The following SPOCK3 variants were observed in gnomAD, a reference collection of about 807,000 sequenced individuals.
SPOCK3 encodes the protein SPARC (osteonectin), cwcv and kazal like domains proteoglycan 3.
Under a neutral mutation model 56.6 loss-of-function variants are expected in SPOCK3, and 30 were observed. The ratio of observed to expected loss-of-function variants is 0.53; its 90% CI spans 0.40 to 0.72. The LOEUF (loss-of-function observed/expected upper bound fraction) is 0.72, where lower values mean the gene tolerates loss of function less well. Ranked by LOEUF, SPOCK3 falls within the 30% of genes least tolerant of loss-of-function variation. The pLI is 0.00. For missense variants in SPOCK3, 527 were observed against 530.0 expected, an observed-to-expected ratio of 0.99 and a Z score of 0.06; for synonymous variants, 196 against 183.3, an observed-to-expected ratio of 1.07 and a Z score of -0.56.
chr4:166,833,443 T>G (rs1052578893), intron 6 of SPOCK3, among the ~76,000 whole-genome samples: 1 of 152,216 alleles, frequency 6.6e-6, no homozygotes, highest in Non-Finnish European at 1.5e-5. Flanking sequence ...AGGCAAATGT[T>G]GCAGTTTCCA....
chr4:166,926,246 A>G (rs1739084264), intron 4 of SPOCK3, among the ~76,000 whole-genome samples: 1 of 152,286 alleles, frequency 6.6e-6, no homozygotes, highest in Middle Eastern at 3.4e-3. Flanking sequence ...AACATGAGAA[A>G]AAATTATCAT....
intron 2 of SPOCK3, among the ~76,000 whole-genome samples, chr4:167,110,038 C>T (rs966004690): frequency 6.6e-6 from 1 of 151,936 alleles, no homozygotes; most frequent in South Asian, 2.1e-4. Context: ...AGGGTATTTG[C>T]TTGGGTAAAG....
At chr4:167,202,736 A>G (rs570248004) in intron 2 of SPOCK3, among the ~76,000 whole-genome samples, 1 of 151,622 alleles carries the variant, frequency 6.6e-6, no homozygotes, top group Non-Finnish European at 1.5e-5. Flanking sequence ...ACTGTTCCCA[A>G]AATAAACTTA....
intron 3 of SPOCK3, among the ~76,000 whole-genome samples, chr4:167,025,588 G>A (rs1751625310): frequency 6.6e-6 from 1 of 151,896 alleles, no homozygotes; most frequent in Admixed American, 6.6e-5. Context: ...AGAACCAAAA[G>A]CAGGATTACA....
At chr4:166,854,866 A>G (rs1008249174) in intron 6 of SPOCK3, among the ~76,000 whole-genome samples, 1 of 152,158 alleles carries the variant, frequency 6.6e-6, no homozygotes, top group Non-Finnish European at 1.5e-5. Context: ...AAGTGCTAGG[A>G]AAGTTCTTTC....
Position 167,226,562 on chromosome 4 carries a change from G to A in SPOCK3, c.189+7423C>T, listed in dbSNP as rs533429016. 4.6e-5 allele frequency among the ~76,000 whole-genome samples: 7 copies of A among 152,252 alleles called. No homozygotes were observed. The East Asian group carries it at 1.4e-3, about 29-fold the overall frequency. ...CCGTAGTTACCAACATTTTCTCCGAGTATTGAGTATCGCTTGCTTTCTTTT... is the reference window on the plus strand; with the variant it reads ...CCGTAGTTACCAACATTTTCTCCGAATATTGAGTATCGCTTGCTTTCTTTT... On this transcript the variant is annotated intron_variant, in intron 2 of 10. Transcript: ENST00000357545.
chr4:166,926,221 C>T (rs1739080839), intron 4 of SPOCK3, among the ~76,000 whole-genome samples: 2 of 152,012 alleles, frequency 1.3e-5, no homozygotes, highest in Admixed American at 1.3e-4. Context: ...AATGGTAAAG[C>T]TTTACTAAAT....
Position 166,789,315 on chromosome 4 carries a change from G to C in SPOCK3, c.709+2855C>G, listed in dbSNP as rs960550253. 1.3e-4 allele frequency among the ~76,000 whole-genome samples: 20 copies of C among 152,000 alleles called. No individual in the cohort carries two copies. In the East Asian group the frequency reaches 3.9e-3, roughly 29 times the overall value. On this transcript the variant is annotated intron_variant, in intron 7 of 10. Coordinates refer to ENST00000357545, the MANE Select transcript of SPOCK3 (RefSeq NM_001040159.2). ...GTGGTGATGCATGCCTGTAATCCCAGCTACTCGAGAGGTTAAGGTAGGAGA... is the reference window on the plus strand; with the variant it reads ...GTGGTGATGCATGCCTGTAATCCCACCTACTCGAGAGGTTAAGGTAGGAGA...
At chr4:166,903,417 C>T (rs184506586) in intron 5 of SPOCK3, among the ~76,000 whole-genome samples, 10 of 152,050 alleles carry the variant, frequency 6.6e-5, no homozygotes, top group Non-Finnish European at 7.4e-5. Flanking sequence ...AAAGCATCAA[C>T]ATTATACCAT....
At chr4:167,182,546 C>CT (rs890701339) in intron 2 of SPOCK3, among the ~76,000 whole-genome samples, 88 of 145,390 alleles carry the variant, frequency 6.1e-4, no homozygotes, top group South Asian at 1.1e-3. Context: ...TTTTCATGTT[C>CT]TTTTTTTTTT....
intron 8 of SPOCK3, among the ~76,000 whole-genome samples, chr4:166,744,934 A>C: frequency 6.6e-6 from 1 of 152,148 alleles, no homozygotes; most frequent in East Asian, 1.9e-4. Context: ...ACAAGTTTAG[A>C]GAAAAAAAAA....
intron 4 of SPOCK3, among the ~76,000 whole-genome samples, chr4:167,000,128 T>C (rs1748798013): frequency 6.6e-6 from 1 of 152,100 alleles, no homozygotes; most frequent in African/African-American, 2.4e-5. Context: ...AGACCTTCTT[T>C]ATTTAATAAT....
chr4:166,752,536 G>T (rs1736513491), intron 8 of SPOCK3, among the ~76,000 whole-genome samples: 1 of 148,846 alleles, frequency 6.7e-6, no homozygotes, highest in African/African-American at 2.5e-5. Context: ...GCTATATATA[G>T]AGTAGCTATA....
At chr4:167,049,863 A>G (rs2150217779) in intron 3 of SPOCK3, among the ~76,000 whole-genome samples, 1 of 152,208 alleles carries the variant, frequency 6.6e-6, no homozygotes, top group African/African-American at 2.4e-5. Flanking sequence ...TGCCATTCCC[A>G]CCATGTCTTC....
chr4:167,020,743 A>C (rs1751085433), intron 3 of SPOCK3, among the ~76,000 whole-genome samples: 1 of 152,050 alleles, frequency 6.6e-6, no homozygotes, highest in Non-Finnish European at 1.5e-5. Context: ...CAACACAAAG[A>C]CACATGAAAG....
chr4:166,960,413 A>G (rs1744017072), intron 4 of SPOCK3, among the ~76,000 whole-genome samples: 3 of 152,198 alleles, frequency 2.0e-5, no homozygotes, highest in African/African-American at 7.2e-5. Context: ...CACTGAATAT[A>G]AAGCACTTGG....
At position 167,098,774 on chromosome 4, in the gene SPOCK3, T is replaced by G. The variant is rs539008459; in HGVS notation, c.190-36237A>C. ...TTTGTTGGTGGGTTAACTCTCACTC[T>G]TTGATACTGTCTTCAACTCCAAAAA... is the stretch of plus-strand genomic sequence containing the variant. On this transcript the variant is annotated intron_variant, in intron 2 of 10. Transcript: ENST00000357545. Among the ~76,000 whole-genome samples, 45 of 152,154 alleles carry G rather than the reference T, an allele frequency of 3.0e-4. No homozygotes were observed. In the East Asian group the frequency reaches 7.3e-3, roughly 25 times the overall value.
At chr4:166,906,482 T>TAAA (rs34213978) in intron 5 of SPOCK3, among the ~76,000 whole-genome samples, 263 of 107,434 alleles carry the variant, frequency 2.4e-3, no homozygotes, top group Non-Finnish European at 4.2e-3. Flanking sequence ...GTTGGCTACA[T>TAAA]AAAAAAAAAA....
intron 3 of SPOCK3, among the ~76,000 whole-genome samples, chr4:167,011,852 G>T (rs2150146168): frequency 6.6e-6 from 1 of 152,110 alleles, no homozygotes; most frequent in Admixed American, 6.6e-5. Flanking sequence ...AGAACCAAAT[G>T]TGAGGTATGC....
Sources: allele counts gnomAD v4.1 joint callset (sites outside exome capture counted in the v4.1 genomes callset), GRCh38; gene constraint gnomAD v4.1.1; transcripts MANE v1.5; gene names NCBI Gene and HGNC (gene_info 2026-07-23, HGNC 2026-07-21).